TUSC3: variants seen among roughly 807,000 people sequenced by gnomAD.
The protein encoded by TUSC3 is tumor suppressor candidate 3.
Under a neutral mutation model 44.8 loss-of-function variants are expected in TUSC3, and 45 were observed. That is an observed-to-expected ratio of 1.00 (90% CI 0.79 to 1.29). The LOEUF (loss-of-function observed/expected upper bound fraction) is 1.29. TUSC3 is among the 50% of genes most tolerant of loss of function. The pLI is 0.00. For missense variants in TUSC3, 519 were observed against 437.9 expected (o/e 1.19, Z -1.65); for synonymous variants, 212 against 152.9 (o/e 1.39, Z -2.85).
intron 1 of TUSC3, among the ~76,000 whole-genome samples, chr8:15,444,926 G>A (rs1800072807): frequency 6.6e-6 from 1 of 152,212 alleles, no homozygotes; most frequent in Non-Finnish European, 1.5e-5. Flanking sequence ...TAAGAGCAGA[G>A]CGCTGGTGCT....
chr8:15,654,265 C>T (rs1277379276), intron 3 of TUSC3, among the ~76,000 whole-genome samples: 1 of 152,010 alleles, frequency 6.6e-6, no homozygotes, highest in East Asian at 1.9e-4. Flanking sequence ...CTCATATATC[C>T]ATGAGAGAAA....
At chr8:15,836,304 T>G in the TUSC3 span, among the ~76,000 whole-genome samples, 1 of 150,386 alleles carries the variant, frequency 6.6e-6, no homozygotes, top group Non-Finnish European at 1.5e-5. Context: ...GGTGAAACTC[T>G]GCCTCTACTA....
At chr8:15,806,195 A>C in the TUSC3 span, 2 of 492,786 alleles carry the variant, frequency 4.1e-6, no homozygotes, top group African/African-American at 2.0e-5. Flanking sequence ...CATTTTTATA[A>C]AGATTCCGTC....
intron 2 of TUSC3, among the ~76,000 whole-genome samples, chr8:15,497,465 CTA>C (rs1800899005): frequency 6.6e-6 from 1 of 152,162 alleles, no homozygotes; most frequent in Non-Finnish European, 1.5e-5. Context: ...ACTAAGGGAG[CTA>C]GTGCCTTTTC....
chr8:15,747,786 C>G (rs542466559), intron 8 of TUSC3, among the ~76,000 whole-genome samples: 6 of 152,198 alleles, frequency 3.9e-5, no homozygotes, highest in Admixed American at 1.3e-4. Context: ...TTTGACACTA[C>G]TACCTGCCAT....
chr8:15,723,952 C>G (rs1382688973), intron 6 of TUSC3, among the ~76,000 whole-genome samples: 1 of 152,122 alleles, frequency 6.6e-6, no homozygotes, highest in East Asian at 1.9e-4. Flanking sequence ...GAACTGAATT[C>G]TTTCCCTCTA....
At chr8:15,617,705 C>T (rs1805057362) in intron 1 of TUSC3, among the ~76,000 whole-genome samples, 1 of 152,122 alleles carries the variant, frequency 6.6e-6, no homozygotes, top group African/African-American at 2.4e-5. Context: ...TTAAGAATAT[C>T]CAGTCAAATA....
intron 1 of TUSC3, among the ~76,000 whole-genome samples, chr8:15,434,354 A>G (rs550922171): frequency 1.5e-4 from 23 of 152,230 alleles, no homozygotes; most frequent in African/African-American, 5.1e-4. Context: ...TCTTTGTCAG[A>G]TACATGTGTT....
chr8:15,806,523 C>G, the TUSC3 span: 1 of 1,319,192 alleles, frequency 7.6e-7, no homozygotes, highest in Non-Finnish European at 1.1e-6. Flanking sequence ...TCAGTGACTT[C>G]AAGCCTGGAT....
rs116540740 is a variant in TUSC3 at position 15,642,577 on chromosome 8, G to A, written c.309-8120G>A. 8.2e-3 allele frequency among the ~76,000 whole-genome samples: 1,252 copies of A among 152,152 alleles called. 16 individuals carry two copies. Among genetic ancestry groups the A allele is most frequent in the African/African-American group, 0.029 (1,213 of 41,526 alleles). On this transcript the variant is annotated intron_variant, in intron 2 of 10. Transcript: ENST00000503731. ...TACAATAAAGGTCTTTAAAGTCTGCGTATATTCTGTTCTTTACCACATGAA... is the reference window on the plus strand; with the variant it reads ...TACAATAAAGGTCTTTAAAGTCTGCATATATTCTGTTCTTTACCACATGAA...
At chr8:15,811,087 T>C in the TUSC3 span, among the ~76,000 whole-genome samples, 1 of 152,208 alleles carries the variant, frequency 6.6e-6, no homozygotes, top group South Asian at 2.1e-4. Context: ...GAAAATCATT[T>C]AGGAGACAAG....
At position 15,422,371 on chromosome 8, in the gene TUSC3, C is replaced by A. The variant is rs547466486; in HGVS notation, n.91+5066C>A. Among the ~76,000 whole-genome samples, 10 of 152,186 alleles carry A rather than the reference C, an allele frequency of 6.6e-5. 1 individual carries two copies. In the South Asian group the frequency reaches 1.7e-3, roughly 25 times the overall value. On this transcript the variant is annotated intron_variant and non_coding_transcript_variant, in intron 1 of 5. Coordinates refer to the TUSC3 transcript ENST00000503191. ...TATCCATTTCTATCACTTTATAACA[C>A]GTCTTCTTACCTACTAGAGAGATTA...
At chr8:15,501,012 C>T (rs1048848720) in intron 2 of TUSC3, among the ~76,000 whole-genome samples, 15 of 152,110 alleles carry the variant, frequency 9.9e-5, no homozygotes, top group African/African-American at 3.6e-4. Context: ...TACCAAATAA[C>T]AGTTTTCCTT....
At chr8:15,715,757 T>G (rs1291808357) in intron 6 of TUSC3, among the ~76,000 whole-genome samples, 2 of 151,916 alleles carry the variant, frequency 1.3e-5, no homozygotes, top group East Asian at 3.9e-4. Context: ...GAAAAAAAAA[T>G]GCTTCCAGAT....
chr8:15,784,496 G>T, the TUSC3 span, among the ~76,000 whole-genome samples: 2 of 140,510 alleles, frequency 1.4e-5, no homozygotes, highest in East Asian at 4.4e-4. Context: ...AATGTTATGT[G>T]TATGTGTGTG....
At position 15,469,232 on chromosome 8, in the gene TUSC3, T is replaced by A. The variant is rs536964550; in HGVS notation, n.92-14154T>A. ...TCTAGAGAATGAGAAGACAAGTCAC[T>A]GACTAGGAAAAATATTTGCAAAAGA... On this transcript the variant is annotated intron_variant and non_coding_transcript_variant, in intron 1 of 5. Coordinates refer to the TUSC3 transcript ENST00000503191. Among the ~76,000 whole-genome samples, 22 of 152,254 alleles carry A rather than the reference T, an allele frequency of 1.4e-4. 1 individual carries two copies. The highest frequency in any genetic ancestry group is 5.1e-4 in the African/African-American group (21 of 41,538).
At chr8:15,532,514 A>C (rs1348306335) in intron 2 of TUSC3, among the ~76,000 whole-genome samples, 3 of 152,196 alleles carry the variant, frequency 2.0e-5, no homozygotes, top group Admixed American at 1.3e-4. Flanking sequence ...TGGGATCCTC[A>C]ATATTTAAAG....
At chr8:15,834,678 C>T in the TUSC3 span, among the ~76,000 whole-genome samples, 4 of 151,930 alleles carry the variant, frequency 2.6e-5, no homozygotes, top group African/African-American at 4.8e-5. Flanking sequence ...ACTTTTCATT[C>T]CTAGTCTTAT....
intron 2 of TUSC3, among the ~76,000 whole-genome samples, chr8:15,639,782 G>GCT (rs1806277415): frequency 3.5e-5 from 5 of 140,850 alleles, no homozygotes; most frequent in African/African-American, 1.0e-4. Flanking sequence ...CATAAGAGTC[G>GCT]TTTTTTTTTT....
Sources: allele counts gnomAD v4.1 joint callset (sites outside exome capture counted in the v4.1 genomes callset), GRCh38; gene constraint gnomAD v4.1.1; transcripts MANE v1.5; gene names NCBI Gene and HGNC (gene_info 2026-07-23, HGNC 2026-07-21).